CARMIL1: variants seen among roughly 807,000 people sequenced by gnomAD.
CARMIL1 encodes F-actin-uncapping protein LRRC16A.
A neutral mutation model predicts 177.1 loss-of-function variants in CARMIL1; 90 were observed. The ratio of observed to expected loss-of-function variants is 0.51; its 90% CI spans 0.43 to 0.61. The LOEUF (loss-of-function observed/expected upper bound fraction) is 0.61. Among genes scored for constraint, CARMIL1 ranks in the 20% least tolerant of loss-of-function variants. The probability of loss-of-function intolerance (pLI) is 0.00; values close to 1 mark genes in which losing one functional copy is unlikely to be tolerated. For synonymous variants in CARMIL1, 577 were observed against 606.2 expected, an observed-to-expected ratio of 0.95 and a Z score of 0.71; for missense variants, 1,380 against 1,667.0, an observed-to-expected ratio of 0.83 and a Z score of 3.00.
chr6:25,412,866 C>T (rs1223899071), intron 2 of CARMIL1, among the ~76,000 whole-genome samples: 1 of 152,120 alleles, frequency 6.6e-6, no homozygotes, highest in East Asian at 1.9e-4. Context: ...TCAATGTATC[C>T]CACAGCTGCC....
At chr6:25,395,633 G>A (rs1793307808) in intron 2 of CARMIL1, among the ~76,000 whole-genome samples, 1 of 152,122 alleles carries the variant, frequency 6.6e-6, no homozygotes, top group Non-Finnish European at 1.5e-5. Flanking sequence ...TTATACATAA[G>A]TTACATTTTG....
chr6:25,607,810 G>T (rs1221933306), intron 35 of CARMIL1, among the ~76,000 whole-genome samples: 1 of 152,124 alleles, frequency 6.6e-6, no homozygotes, highest in Non-Finnish European at 1.5e-5. Context: ...GGTCCCTTGA[G>T]AAAACCAGTG....
chr6:25,507,272 T>C (rs403453), intron 17 of CARMIL1, among the ~76,000 whole-genome samples: 66,288 of 152,004 alleles, frequency 0.44, 14,825 homozygotes, highest in Middle Eastern at 0.52. Context: ...CATTTAATAA[T>C]CTGTGACTTG....
At chr6:25,457,136 C>T (rs564070299) in intron 8 of CARMIL1, among the ~76,000 whole-genome samples, 4 of 152,226 alleles carry the variant, frequency 2.6e-5, no homozygotes, top group East Asian at 3.9e-4. Flanking sequence ...GTGACATGAA[C>T]TCTGTGGGGT....
At chr6:25,468,744 A>C (rs926074141) in intron 9 of CARMIL1, among the ~76,000 whole-genome samples, 1 of 152,222 alleles carries the variant, frequency 6.6e-6, no homozygotes, top group Non-Finnish European at 1.5e-5. Context: ...TTAATCATGA[A>C]TGATTTGTTA....
intron 9 of CARMIL1, among the ~76,000 whole-genome samples, chr6:25,466,242 A>C (rs1403327882): frequency 2.0e-5 from 3 of 152,196 alleles, no homozygotes; most frequent in African/African-American, 7.2e-5. Context: ...AAAAACTGTT[A>C]AAGTTACATT....
chr6:25,364,624 CGCGATCTTGGCTCACT>C (rs1789580227), intron 2 of CARMIL1, among the ~76,000 whole-genome samples: 1 of 151,130 alleles, frequency 6.6e-6, no homozygotes, highest in African/African-American at 2.4e-5. Flanking sequence ...AGTGCAGTGG[CGCGATCTTGGCTCACT>C]GCGACCTCCG....
At chr6:25,533,789 A>G (rs79716851) in intron 24 of CARMIL1, among the ~76,000 whole-genome samples, 4,318 of 151,270 alleles carry the variant, frequency 0.029, 83 homozygotes, top group South Asian at 0.1. Flanking sequence ...TTTGTAGATG[A>G]CTCCTGGATC....
intron 8 of CARMIL1, among the ~76,000 whole-genome samples, chr6:25,459,259 T>G (rs1335320840): frequency 8.1e-6 from 1 of 123,800 alleles, no homozygotes; most frequent in African/African-American, 2.9e-5. Context: ...TCTTTCTTTC[T>G]TTCTTTCTTT....
At chr6:25,303,440 T>C (rs148705431) in intron 2 of CARMIL1, among the ~76,000 whole-genome samples, 35 of 152,312 alleles carry the variant, frequency 2.3e-4, no homozygotes, top group African/African-American at 7.9e-4. Flanking sequence ...AAGATATGAA[T>C]AGGTGTGCTG....
intron 11 of CARMIL1, 56 bp from the exon 12 acceptor site, chr6:25,482,201 A>G: frequency 1.2e-6 from 1 of 846,210 alleles, no homozygotes; most frequent in Non-Finnish European, 1.9e-6. Context: ...CATCCATTGT[A>G]AAAAATGCAA....
intron 2 of CARMIL1, among the ~76,000 whole-genome samples, chr6:25,312,377 C>A (rs1783898282): frequency 6.6e-6 from 1 of 152,092 alleles, no homozygotes; most frequent in African/African-American, 2.4e-5. Context: ...AGGATGATTT[C>A]CAAATTTTAG....
chr6:25,607,585 C>T (rs137889915), intron 35 of CARMIL1, among the ~76,000 whole-genome samples: 311 of 152,274 alleles, frequency 2.0e-3, no homozygotes, highest in Non-Finnish European at 3.5e-3. Context: ...TTTCTATTGA[C>T]CTCTCCCCCA....
At chr6:25,542,580 T>C (rs1197682506) in intron 26 of CARMIL1, among the ~76,000 whole-genome samples, 2 of 152,154 alleles carry the variant, frequency 1.3e-5, no homozygotes, top group African/African-American at 4.8e-5. Flanking sequence ...CCTACTCACT[T>C]GTTTTTATTA....
At chr6:25,301,912 C>A (rs1371535937) in intron 2 of CARMIL1, among the ~76,000 whole-genome samples, 1 of 152,192 alleles carries the variant, frequency 6.6e-6, no homozygotes, top group Non-Finnish European at 1.5e-5. Flanking sequence ...TAAGCCAGCT[C>A]ACCATATTTA....
intron 33 of CARMIL1, 63 bp from the exon 34 acceptor site, chr6:25,604,749 T>C (rs1055354534): frequency 1.5e-6 from 2 of 1,290,582 alleles, no homozygotes; most frequent in Non-Finnish European, 2.2e-6. Context: ...ATCTGCATTG[T>C]TTTTTCACTT....
intron 2 of CARMIL1, among the ~76,000 whole-genome samples, chr6:25,303,403 A>C (rs987639091): frequency 6.6e-6 from 1 of 152,144 alleles, no homozygotes; most frequent in African/African-American, 2.4e-5. Flanking sequence ...TATTTCCTCA[A>C]TTGGGGAAGT....
intron 33 of CARMIL1, among the ~76,000 whole-genome samples, chr6:25,604,304 T>C (rs1459817578): frequency 6.6e-6 from 1 of 152,146 alleles, no homozygotes; most frequent in Non-Finnish European, 1.5e-5. Flanking sequence ...GGTCTCAAGC[T>C]CGTGACCTCA....
chr6:25,600,341 C>T lies in CARMIL1; in HGVS notation c.3147C>T (p.Ser1049=). 2 of 1,613,514 alleles carry T rather than the reference C, an allele frequency of 1.2e-6. No homozygotes were observed. Among genetic ancestry groups the T allele is most frequent in the Non-Finnish European group, 1.7e-6 (2 of 1,179,704 alleles). The change falls in exon 33 of 37, where the codon TCC becomes TCT. Residue 1049 remains serine (S), a synonymous_variant. Transcript: ENST00000329474. ...SKKWSTRGSE[S]HELNEGGDEK... ...AATGGTCAACAAGAGGCTCAGAGTC[C>T]CATGAGCTTAATGAAGGAGGAGATG... is the stretch of plus-strand genomic sequence containing the variant.
Sources: allele counts gnomAD v4.1 joint callset (sites outside exome capture counted in the v4.1 genomes callset), GRCh38; gene constraint gnomAD v4.1.1; transcripts MANE v1.5; gene names NCBI Gene and HGNC (gene_info 2026-07-23, HGNC 2026-07-21).